The following CMTM3 variants were observed in gnomAD, a reference collection of about 807,000 sequenced individuals.
CMTM3 encodes the protein CKLF-like MARVEL transmembrane domain-containing protein 3.
A neutral mutation model predicts 18.2 loss-of-function variants in CMTM3; 7 were observed. The observed-to-expected ratio is 0.38, with a 90% CI of 0.22 to 0.72. The LOEUF (loss-of-function observed/expected upper bound fraction) is 0.72, where lower values mean the gene tolerates loss of function less well. Among genes scored for constraint, CMTM3 ranks in the 30% least tolerant of loss-of-function variants. The pLI is 0.46. For synonymous variants in CMTM3, 109 were observed against 111.2 expected (o/e 0.98, Z 0.12); for missense variants, 227 against 249.2 (o/e 0.91, Z 0.60).
Position 66,605,066 on chromosome 16 carries a change from C to T in CMTM3, c.147+114C>T. ...CGGCCGCCGTGCTCCGATACCCCCT[C>T]TCCGCGCCGCCTCGGCCGACTTCTC... is the stretch of plus-strand genomic sequence containing the variant. On this transcript the variant is annotated intron_variant, in intron 1 of 4. Transcript: ENST00000567572. The surrounding 1 kb of genome is among the most constrained non-coding windows in gnomAD (Gnocchi z 4.6). 1 of 972,232 alleles carries T rather than the reference C, an allele frequency of 1.0e-6. No individual in the cohort carries two copies. Among genetic ancestry groups the T allele is most frequent in the Non-Finnish European group, 1.4e-6 (1 of 736,556 alleles). 60.2% of individuals were successfully genotyped at this position (972,232 alleles called of 1,614,324 possible).
chr16:66,604,874 G>A lies in CMTM3; in HGVS notation c.69G>A (p.Ala23=), dbSNP rs753270153. Residue 23 remains alanine, a synonymous_variant, in exon 1 of 5, where the codon GCG becomes GCA. Coordinates refer to ENST00000567572, the MANE Select transcript of CMTM3 (RefSeq NM_181553.4). ...EPAGGSRPGP[A]VPGLRALLPA... is the part of the protein sequence containing the mutation. ...CCGGCGGCTCCCGTCCCGGCCCCGC[G>A]GTCCCCGGGCTCCGCGCCCTGCTGC... 1.4e-6 allele frequency: 2 copies of A among 1,412,604 alleles called. No homozygotes were observed. The highest frequency in any genetic ancestry group is 3.0e-5 in the South Asian group (2 of 67,766). The allele number at this position is 1,412,604 out of a possible 1,614,324, so 87.5% of individuals were successfully genotyped here.
intron 4 of CMTM3, chr16:66,611,021 A>G (rs964712237): frequency 2.5e-6 from 1 of 397,504 alleles, no homozygotes. Context: ...ATCCCAGACA[A>G]CCAGCCCAGG....
rs754202973 is a variant in CMTM3 at position 66,609,639 on chromosome 16, A to C, written c.399+109A>C. 2.0e-6 allele frequency: 3 copies of C among 1,516,480 alleles called. No individual in the cohort carries two copies. The highest frequency in any genetic ancestry group is 2.8e-5 in the African/African-American group (2 of 72,360). The allele number at this position is 1,516,480 out of a possible 1,614,324, so 93.9% of individuals were successfully genotyped here. On this transcript the variant is annotated intron_variant, in intron 3 of 4. Coordinates refer to ENST00000567572, the MANE Select transcript of CMTM3 (RefSeq NM_181553.4). This position sits in a 1 kb window ranked among gnomAD's most constrained non-coding sequence, Gnocchi z 4.4. ...CCTGCTGGGGCCCCCCTGGGGTCTC[A>C]TGTGGGTCCCGATGATGATTCCAAA...
rs2015464886 is a variant in CMTM3, at chr16:66,613,584, T to A, written c.*947T>A. The A allele has an allele frequency of 6.4e-6, 1 of 155,388 alleles. No individual in the cohort carries two copies. The allele number at this position is 155,388 out of a possible 1,614,324, so 9.6% of individuals were successfully genotyped here. ...GGAATTTTGTAACTTTTTATATTTT[T>A]TTATGCAAAAGCAGCTTCTTAACAG... On this transcript the variant is annotated 3_prime_UTR_variant, in exon 5 of 5. Transcript: ENST00000567572.
rs1162877279 is a variant in CMTM3, at chr16:66,608,474, G to C, written c.303+10G>C. On this transcript the variant is annotated intron_variant, in intron 2 of 4. Coordinates refer to ENST00000567572, the MANE Select transcript of CMTM3 (RefSeq NM_181553.4). This position sits in a 1 kb window ranked among gnomAD's most constrained non-coding sequence, Gnocchi z 5.1. ...GTGCTGGCCCATGATGGTGAGGACAGGGGCCCCAGGAGGGAGGGGTGCCCT... is the reference window on the plus strand; with the variant it reads ...GTGCTGGCCCATGATGGTGAGGACACGGGCCCCAGGAGGGAGGGGTGCCCT... 5.6e-6 allele frequency: 9 copies of C among 1,613,042 alleles called. No homozygotes were observed. Among genetic ancestry groups the C allele is most frequent in the African/African-American group, 1.3e-5 (1 of 74,942 alleles).
rs901733898 is a variant in CMTM3, at chr16:66,604,923, C to G, written c.118C>G (p.Leu40Val). ...LLPARAFLCS[L>V]KGRLLLAESG... ...GCCGGCGCGGGCTTTCCTCTGCTCT[C>G]TCAAAGGCCGCCTCCTGCTGGCCGA... is the stretch of plus-strand genomic sequence containing the variant. Residue 40 changes from leucine to valine, a missense_variant, in exon 1 of 5, where the codon CTC becomes GTC. Leu to Val is a conservative substitution (Grantham distance 32). Coordinates refer to ENST00000567572, the MANE Select transcript of CMTM3 (RefSeq NM_181553.4). The G allele has an allele frequency of 8.0e-6, 12 of 1,497,386 alleles. No homozygotes were observed. In the African/African-American group the frequency reaches 1.7e-4, roughly 22 times the overall value. The allele number at this position is 1,497,386 out of a possible 1,614,324, so 92.8% of individuals were successfully genotyped here.
rs1476424244 is a variant in CMTM3 at position 66,613,439 on chromosome 16, T to C, written c.*802T>C. ...CTAGAGCCCAGCCAGCAGGCAGGAG[T>C]TCCTGGACCCTCAGGACAGTGAACT... On this transcript the variant is annotated 3_prime_UTR_variant, in exon 5 of 5. Transcript: ENST00000567572. 5.7e-6 allele frequency: 2 copies of C among 351,262 alleles called. No homozygotes were observed. Among genetic ancestry groups the C allele is most frequent in the Non-Finnish European group, 1.1e-5 (2 of 189,422 alleles). 21.8% of individuals were successfully genotyped at this position (351,262 alleles called of 1,614,324 possible).
At position 66,612,278 on chromosome 16, in the gene CMTM3, C is replaced by T. The variant is rs529572029; in HGVS notation, c.521-331C>T. ...AAAATTAGCCAGGTGTGGTGGCACA[C>T]GCTTATAATCCCAGCTACTCGGGAG... is the stretch of plus-strand genomic sequence containing the variant. On this transcript the variant is annotated intron_variant, in intron 4 of 4. Coordinates refer to ENST00000567572, the MANE Select transcript of CMTM3 (RefSeq NM_181553.4). This position sits in a 1 kb window ranked among gnomAD's most constrained non-coding sequence, Gnocchi z 6.0. 4.6e-5 allele frequency among the ~76,000 whole-genome samples: 7 copies of T among 152,058 alleles called. No individual in the cohort carries two copies. The highest frequency in any genetic ancestry group is 1.7e-4 in the African/African-American group (7 of 41,392).
In CMTM3 at chr16:66,607,300, A is replaced by T. The variant is rs2015193577; in HGVS notation, c.148-1009A>T. Among the ~76,000 whole-genome samples, 3 of 152,320 alleles carry T rather than the reference A, an allele frequency of 2.0e-5. No individual in the cohort carries two copies. The South Asian group carries it at 6.2e-4, about 32-fold the overall frequency. ...CAGAGTTGTGGGCAAGACCACAGTG[A>T]ACATTTTGATTCTTGTAGTTCAAGT... is the stretch of plus-strand genomic sequence containing the variant. On this transcript the variant is annotated intron_variant, in intron 1 of 4. Transcript: ENST00000567572.
intron 1 of CMTM3, among the ~76,000 whole-genome samples, chr16:66,606,289 G>GA (rs2015150312): frequency 6.6e-6 from 1 of 152,100 alleles, no homozygotes. Context: ...ATCGCGGGAT[G>GA]AAAAAACAGG....
At position 66,610,383 on chromosome 16, in the gene CMTM3, A is replaced by G. The variant is rs374280034; in HGVS notation, c.520+380A>G. Among the ~76,000 whole-genome samples, 1 of 152,264 alleles carries G rather than the reference A, an allele frequency of 6.6e-6. No individual in the cohort carries two copies. The highest frequency in any genetic ancestry group is 2.1e-4 in the South Asian group (1 of 4,820). ...TTACCCATCCAGGCCTGTCCTGGGA[A>G]GCTCAGAGCCCAGAAAGGAGTCAGA... On this transcript the variant is annotated intron_variant, in intron 4 of 4. Coordinates refer to ENST00000567572, the MANE Select transcript of CMTM3 (RefSeq NM_181553.4). This position sits in a 1 kb window ranked among gnomAD's most constrained non-coding sequence, Gnocchi z 4.6.
Position 66,612,090 on chromosome 16 carries a change from C to T in CMTM3, c.521-519C>T, listed in dbSNP as rs536404750. Among the ~76,000 whole-genome samples the T allele has an allele frequency of 1.3e-5, 2 of 152,148 alleles. No homozygotes were observed. Among genetic ancestry groups the T allele is most frequent in the African/African-American group, 2.4e-5 (1 of 41,430 alleles). ...CAGTCTTGGGGTGGAAACACCCCCA[C>T]CTGCACCCGCACCCACACCCTGGAG... On this transcript the variant is annotated intron_variant, in intron 4 of 4. Transcript: ENST00000567572. This position sits in a 1 kb window ranked among gnomAD's most constrained non-coding sequence, Gnocchi z 6.0.
chr16:66,604,609 C>G, upstream of CMTM3: 1 of 383,224 alleles, frequency 2.6e-6, no homozygotes. Flanking sequence ...GCCCAGCATC[C>G]CCCGCAGCCG....
chr16:66,606,580 C>G (rs1235759122), intron 1 of CMTM3, among the ~76,000 whole-genome samples: 3 of 152,206 alleles, frequency 2.0e-5, no homozygotes, highest in Non-Finnish European at 4.4e-5. Flanking sequence ...TGGGTGTCCC[C>G]ATGGGGACTC....
downstream of CMTM3, chr16:66,613,888 T>C (rs1368335932): frequency 6.6e-6 from 1 of 152,094 alleles, no homozygotes; most frequent in African/African-American, 2.4e-5. Flanking sequence ...CTGACTACCA[T>C]TTAATCCTTT....
rs1043305831 is a variant in CMTM3, at chr16:66,605,679, C to T, written c.147+727C>T. 1 of 152,852 alleles carries T rather than the reference C, an allele frequency of 6.5e-6. No individual in the cohort carries two copies. The highest frequency in any genetic ancestry group is 2.4e-5 in the African/African-American group (1 of 41,462). 9.5% of individuals were successfully genotyped at this position (152,852 alleles called of 1,614,324 possible). On this transcript the variant is annotated intron_variant, in intron 1 of 4. Coordinates refer to ENST00000567572, the MANE Select transcript of CMTM3 (RefSeq NM_181553.4). The surrounding 1 kb of genome is among the most constrained non-coding windows in gnomAD (Gnocchi z 4.6). ...CGGCGGCCACTTGTTGCTTAGATCC[C>T]AGGAACTTGGCGCTTCCTGCCCTTG... is the stretch of plus-strand genomic sequence containing the variant.
Position 66,604,715 on chromosome 16 carries a change from C to T in CMTM3, c.-91C>T, listed in dbSNP as rs2015059398. On this transcript the variant is annotated 5_prime_UTR_variant, in exon 1 of 5. Coordinates refer to ENST00000567572, the MANE Select transcript of CMTM3 (RefSeq NM_181553.4). ...CCCCTGCGCGAGCCAGTGTCGCCTG[C>T]CCTCCTTCCGCACAGCCCGGGTTTC... is the stretch of plus-strand genomic sequence containing the variant. The T allele has an allele frequency of 9.8e-7, 1 of 1,025,248 alleles. No homozygotes were observed. The allele number at this position is 1,025,248 out of a possible 1,614,324, so 63.5% of individuals were successfully genotyped here. A position where few individuals can be genotyped will look rare whatever the true frequency, so the allele number is the denominator to read the frequency against.
At chr16:66,604,680 G>A (rs1347586604), upstream of CMTM3, 6 of 705,556 alleles carry the variant, frequency 8.5e-6, no homozygotes, top group African/African-American at 7.5e-5. Flanking sequence ...GCGTGGCGGC[G>A]GGGGATGCGC....
At position 66,610,130 on chromosome 16, in the gene CMTM3, A is replaced by T. The variant is rs540318218; in HGVS notation, c.520+127A>T. On this transcript the variant is annotated intron_variant, in intron 4 of 4. Coordinates refer to ENST00000567572, the MANE Select transcript of CMTM3 (RefSeq NM_181553.4). This position sits in a 1 kb window ranked among gnomAD's most constrained non-coding sequence, Gnocchi z 4.6. ...TCCCCATGGCAGGAAGTGTTTTCAC[A>T]GCCCATTCTCACCTACCCTCATGCA... 1.6e-6 allele frequency: 2 copies of T among 1,243,432 alleles called. No homozygotes were observed. The highest frequency in any genetic ancestry group is 2.3e-6 in the Non-Finnish European group (2 of 883,446). The allele number at this position is 1,243,432 out of a possible 1,614,324, so 77.0% of individuals were successfully genotyped here.
Sources: allele counts gnomAD v4.1 joint callset (sites outside exome capture counted in the v4.1 genomes callset), GRCh38; gene constraint gnomAD v4.1.1; non-coding constraint Gnocchi (gnomAD v3.1); transcripts MANE v1.5; gene names NCBI Gene and HGNC (gene_info 2026-07-23, HGNC 2026-07-21).